Variants in UHRF1 observed in about 807,000 individuals in gnomAD.
The protein encoded by UHRF1 is ubiquitin like with PHD and ring finger domains 1, also known as E3 ubiquitin-protein ligase UHRF1.
UHRF1 carries 9 observed loss-of-function variants against 96.5 expected under a neutral mutation model. The observed-to-expected ratio is 0.09, with a 90% CI of 0.06 to 0.16. UHRF1 has a LOEUF of 0.16. Ranked by LOEUF, UHRF1 falls within the 10% of genes least tolerant of loss-of-function variation. UHRF1 has a pLI of 1.00. For missense variants in UHRF1, 626 were observed against 1,131.1 expected (o/e 0.55, Z 6.40); for synonymous variants, 455 against 469.9 (o/e 0.97, Z 0.41).
At chr19:4,940,433 A>G (rs1213087222) in intron 5 of UHRF1, among the ~76,000 whole-genome samples, 1 of 117,590 alleles carries the variant, frequency 8.5e-6, no homozygotes. Context: ...TGGCGTGATC[A>G]TCTCAGCTCC....
chr19:4,923,213 C>T (rs1344728303), intron 2 of UHRF1, among the ~76,000 whole-genome samples: 5 of 152,220 alleles, frequency 3.3e-5, no homozygotes, highest in Non-Finnish European at 5.9e-5. Flanking sequence ...GTCTCCTCCC[C>T]GACTTGTCCT....
chr19:4,941,080 GTTTTGTTTTTTTTTTT>G (rs1180834795), intron 5 of UHRF1, among the ~76,000 whole-genome samples: 2 of 112,844 alleles, frequency 1.8e-5, no homozygotes, highest in African/African-American at 3.8e-5. Flanking sequence ...TGGTTTCTGT[GTTTTGTTTTTTTTTTT>G]TTTTTTTTTT....
chr19:4,904,875 T>C (rs979103202), upstream of UHRF1, among the ~76,000 whole-genome samples: 2 of 152,282 alleles, frequency 1.3e-5, no homozygotes, highest in South Asian at 2.1e-4. Flanking sequence ...GATTTGCACA[T>C]GGTCTGGTGC....
intron 2 of UHRF1, among the ~76,000 whole-genome samples, chr19:4,922,346 A>G (rs1365982152): frequency 2.0e-5 from 3 of 150,474 alleles, no homozygotes; most frequent in African/African-American, 7.3e-5. Context: ...GCTCACTGCA[A>G]ACTCTGCCTC....
chr19:4,919,272 C>T (rs897174723), intron 2 of UHRF1, among the ~76,000 whole-genome samples: 1 of 151,580 alleles, frequency 6.6e-6, no homozygotes, highest in Non-Finnish European at 1.5e-5. Context: ...CCTGAGATTA[C>T]AGGCATGAGC....
chr19:4,915,442 A>G (rs557944758), intron 2 of UHRF1, among the ~76,000 whole-genome samples: 1 of 152,214 alleles, frequency 6.6e-6, no homozygotes, highest in Admixed American at 6.5e-5. Context: ...GGCGGGGCCC[A>G]GTGGCTCATG....
In UHRF1 at chr19:4,954,660, G is replaced by T. The variant is rs963756031; in HGVS notation, c.1968G>T (p.Pro656=). ...CCCACCCTCTTCCAGGAGGTGGCCC[G>T]AGCAGGGCCGGGTCCCCGCGCCGGA... is the stretch of plus-strand genomic sequence containing the variant. ...KWKRKSAGGG[P]SRAGSPRRTS... Residue 656 remains proline, a synonymous_variant, in exon 15 of 17, where the codon CCG becomes CCT. Coordinates refer to ENST00000650932, the MANE Select transcript of UHRF1 (RefSeq NM_001048201.3). This position sits in a 1 kb window ranked among gnomAD's most constrained non-coding sequence, Gnocchi z 5.9. 1 of 1,612,542 alleles carries T rather than the reference G, an allele frequency of 6.2e-7. No homozygotes were observed. Among genetic ancestry groups the T allele is most frequent in the Non-Finnish European group, 8.5e-7 (1 of 1,179,316 alleles).
At chr19:4,935,676 G>A (rs1238238556) in intron 5 of UHRF1, among the ~76,000 whole-genome samples, 2 of 152,002 alleles carry the variant, frequency 1.3e-5, no homozygotes, top group African/African-American at 4.8e-5. Flanking sequence ...TCAGCTAGTC[G>A]GCTAGTAAGA....
At chr19:4,926,731 C>G (rs1389517424) in intron 2 of UHRF1, among the ~76,000 whole-genome samples, 1 of 151,694 alleles carries the variant, frequency 6.6e-6, no homozygotes, top group African/African-American at 2.4e-5. Context: ...CACCACTGCC[C>G]TCCATCCTTG....
At chr19:4,904,067 C>G (rs900872560) in intron 1 of UHRF1, among the ~76,000 whole-genome samples, 3 of 152,058 alleles carry the variant, frequency 2.0e-5, no homozygotes, top group Admixed American at 2.0e-4. Flanking sequence ...ACCTCTGCCC[C>G]CTGGGTTCAA....
chr19:4,932,586 T>A, intron 4 of UHRF1, 155 bp from the exon 5 acceptor site: 1 of 749,508 alleles, frequency 1.3e-6, no homozygotes, highest in Non-Finnish European at 2.2e-6. Flanking sequence ...GAATGTGCCT[T>A]AATATACCTG....
At chr19:4,905,820 G>A (rs2032054670), upstream of UHRF1, among the ~76,000 whole-genome samples, 1 of 152,042 alleles carries the variant, frequency 6.6e-6, no homozygotes, top group Non-Finnish European at 1.5e-5. Flanking sequence ...CCCGGCCAGT[G>A]TTAGTGTATT....
chr19:4,924,239 C>G (rs12460351), intron 2 of UHRF1, among the ~76,000 whole-genome samples: 1 of 151,798 alleles, frequency 6.6e-6, no homozygotes, highest in East Asian at 1.9e-4. Flanking sequence ...AAGCTCCGCC[C>G]CCCGGGTTCA....
At chr19:4,907,306 G>GT (rs2032084356), upstream of UHRF1, among the ~76,000 whole-genome samples, 1 of 151,954 alleles carries the variant, frequency 6.6e-6, no homozygotes, top group Non-Finnish European at 1.5e-5. Flanking sequence ...GTCTCGCTCT[G>GT]TTGTCCAGGC....
chr19:4,954,918 G>A lies in UHRF1; in HGVS notation c.2130+96G>A. 1 of 1,478,656 alleles carries A rather than the reference G, an allele frequency of 6.8e-7. No homozygotes were observed. The highest frequency in any genetic ancestry group is 9.3e-7 in the Non-Finnish European group (1 of 1,079,222). 91.6% of individuals were successfully genotyped at this position (1,478,656 alleles called of 1,614,324 possible). A position where few individuals can be genotyped will look rare whatever the true frequency, so the allele number is the denominator to read the frequency against. On this transcript the variant is annotated intron_variant, in intron 15 of 16. Transcript: ENST00000650932. This position sits in a 1 kb window ranked among gnomAD's most constrained non-coding sequence, Gnocchi z 5.9. ...CATGTTCCCCATTTTCAAGTGTACA[G>A]CTCAGTCGCACTGAGTACATTCTTG...
intron 5 of UHRF1, among the ~76,000 whole-genome samples, chr19:4,939,319 C>T (rs2033314868): frequency 6.6e-6 from 1 of 150,942 alleles, no homozygotes; most frequent in Non-Finnish European, 1.5e-5. Context: ...CTCAGCCTCC[C>T]AAAAGGTGCT....
chr19:4,930,838 G>A lies in UHRF1; in HGVS notation c.531G>A (p.Ala177=), dbSNP rs751375671. The change falls in exon 4 of 17, where the codon GCG becomes GCA. Residue 177 remains alanine (A), a synonymous_variant. Transcript: ENST00000650932. This position sits in a 1 kb window ranked among gnomAD's most constrained non-coding sequence, Gnocchi z 4.4. ...DEPCSSTSRP[A]LEEDVIYHVK... is the part of the protein sequence containing the mutation. ...CCTGCAGCTCCACGTCCAGGCCGGC[G>A]CTGGAGGAGGACGTCATTTACCACG... 24 of 1,613,846 alleles carry A rather than the reference G, an allele frequency of 1.5e-5. No individual in the cohort carries two copies. In the Admixed American group the frequency reaches 2.8e-4, roughly 19 times the overall value.
chr19:4,942,834 G>A (rs1284510523), intron 7 of UHRF1, among the ~76,000 whole-genome samples: 1 of 152,144 alleles, frequency 6.6e-6, no homozygotes, highest in African/African-American at 2.4e-5. Context: ...TTGGGAGGCC[G>A]AGGTAAGAGG....
chr19:4,938,320 C>T lies in UHRF1; in HGVS notation c.786-3208C>T, dbSNP rs950382391. ...ACTTTCTGGGTTTTGGGGAATTAGC[C>T]GGTTTCTCTGAGCATAAAGTCATTT... On this transcript the variant is annotated intron_variant, in intron 5 of 16. Coordinates refer to ENST00000650932, the MANE Select transcript of UHRF1 (RefSeq NM_001048201.3). Among the ~76,000 whole-genome samples, 15 of 152,052 alleles carry T rather than the reference C, an allele frequency of 9.9e-5. 1 individual carries two copies. The highest frequency in any genetic ancestry group is 6.2e-4 in the South Asian group (3 of 4,808).
Sources: allele counts gnomAD v4.1 joint callset (sites outside exome capture counted in the v4.1 genomes callset), GRCh38; gene constraint gnomAD v4.1.1; non-coding constraint Gnocchi (gnomAD v3.1); transcripts MANE v1.5; gene names NCBI Gene and HGNC (gene_info 2026-07-23, HGNC 2026-07-21).